The following MAPKAPK5 variants were observed in gnomAD, a reference collection of about 807,000 sequenced individuals.
MAPKAPK5 encodes MAP kinase-activated protein kinase 5.
A neutral mutation model predicts 65.1 loss-of-function variants in MAPKAPK5; 30 were observed. The ratio of observed to expected loss-of-function variants is 0.46; its 90% CI spans 0.34 to 0.63. The LOEUF (loss-of-function observed/expected upper bound fraction) is 0.63. Among genes scored for constraint, MAPKAPK5 ranks in the 20% least tolerant of loss-of-function variants. The pLI is 0.01. For missense variants in MAPKAPK5, 433 were observed against 581.4 expected (o/e 0.74, Z 2.63); for synonymous variants, 179 against 204.6 (o/e 0.87, Z 1.07).
intron 1 of MAPKAPK5, chr12:111,843,359 A>G (rs553742934): frequency 2.5e-6 from 1 of 398,470 alleles, no homozygotes; most frequent in South Asian, 1.3e-4. Context: ...ACTTAACTGC[A>G]CTTAAACCAA....
At chr12:111,849,559 G>T (rs1385685384) in intron 1 of MAPKAPK5, among the ~76,000 whole-genome samples, 1 of 152,162 alleles carries the variant, frequency 6.6e-6, no homozygotes, top group Non-Finnish European at 1.5e-5. Context: ...ACCGCACCTG[G>T]CCTAGAGTTC....
chr12:111,896,673 A>C lies in MAPKAPK5; in HGVS notation c.*3612A>C, dbSNP rs1425470115. 6.6e-6 allele frequency: 1 copy of C among 152,218 alleles called. No individual in the cohort carries two copies. The highest frequency in any genetic ancestry group is 2.4e-5 in the African/African-American group (1 of 41,454). 9.4% of individuals were successfully genotyped at this position (152,218 alleles called of 1,614,324 possible). A position where few individuals can be genotyped will look rare whatever the true frequency, so the allele number is the denominator to read the frequency against. Reference sequence around the variant, plus strand: ...AGGTTATGCTCTCCTGTTTGCCTACATGATTTATTAACCTTCTGCTTACTA... The same window carrying C: ...AGGTTATGCTCTCCTGTTTGCCTACCTGATTTATTAACCTTCTGCTTACTA... On this transcript the variant is annotated 3_prime_UTR_variant, in exon 14 of 14. Coordinates refer to ENST00000550735, the MANE Select transcript of MAPKAPK5 (RefSeq NM_003668.4).
chr12:111,880,633 A>G, intron 8 of MAPKAPK5, 106 bp downstream of exon 8: 1 of 922,252 alleles, frequency 1.1e-6, no homozygotes. Context: ...TCACCCCTTA[A>G]TATTCCTGCC....
rs919039555 is a variant in MAPKAPK5, at chr12:111,900,479, C to T, written c.*7418C>T. On this transcript the variant is annotated 3_prime_UTR_variant, in exon 14 of 14. Coordinates refer to ENST00000550735, the MANE Select transcript of MAPKAPK5 (RefSeq NM_003668.4). ...AAGAAAGTGGCTTCAGCAGCTGCAG[C>T]TCTGACTACTTCTACCAGTTCCTTC... is the stretch of plus-strand genomic sequence containing the variant. The T allele has an allele frequency of 1.1e-5, 5 of 455,990 alleles. No homozygotes were observed. The highest frequency in any genetic ancestry group is 1.0e-4 in the African/African-American group (5 of 50,084). 28.2% of individuals were successfully genotyped at this position (455,990 alleles called of 1,614,324 possible).
At chr12:111,845,347 G>A (rs2136057498) in intron 1 of MAPKAPK5, among the ~76,000 whole-genome samples, 1 of 152,110 alleles carries the variant, frequency 6.6e-6, no homozygotes, top group East Asian at 1.9e-4. Context: ...GAAAAGATGG[G>A]GTTTCACCAT....
At chr12:111,884,528 G>C (rs907648788) in intron 9 of MAPKAPK5, among the ~76,000 whole-genome samples, 5 of 152,218 alleles carry the variant, frequency 3.3e-5, no homozygotes, top group African/African-American at 1.2e-4. Context: ...CATATCTTAA[G>C]ATGGGAAGAT....
At chr12:111,880,331 T>G in intron 7 of MAPKAPK5, 116 bp from the exon 8 acceptor site, 1 of 824,884 alleles carries the variant, frequency 1.2e-6, no homozygotes, top group Admixed American at 2.2e-5. Flanking sequence ...GAGTTTTTTT[T>G]CGATGGCTGA....
chr12:111,854,434 G>C (rs2069175865), intron 1 of MAPKAPK5, among the ~76,000 whole-genome samples: 2 of 152,034 alleles, frequency 1.3e-5, no homozygotes, highest in African/African-American at 2.4e-5. Flanking sequence ...TGGAGATGGG[G>C]TTTCACCATG....
At chr12:111,844,486 C>T (rs538589977) in intron 1 of MAPKAPK5, among the ~76,000 whole-genome samples, 2 of 152,306 alleles carry the variant, frequency 1.3e-5, no homozygotes, top group Non-Finnish European at 2.9e-5. Flanking sequence ...CCACCGCGCC[C>T]AGCCTTGGTT....
chr12:111,888,868 C>T lies in MAPKAPK5; in HGVS notation c.1101-17C>T, dbSNP rs1346617776. On this transcript the variant is annotated splice_polypyrimidine_tract_variant and intron_variant, in intron 11 of 13. Transcript: ENST00000550735. ...GGGGTCTCACGTTGTCATTACCCCT[C>T]CCTCAAACTCTTAAAGCACCAAGCC... 1.2e-6 allele frequency: 2 copies of T among 1,612,296 alleles called. No homozygotes were observed. The highest frequency in any genetic ancestry group is 8.5e-7 in the Non-Finnish European group (1 of 1,178,696).
At chr12:111,871,249 C>A in intron 7 of MAPKAPK5, 69 bp downstream of exon 7, 1 of 1,291,186 alleles carries the variant, frequency 7.7e-7, no homozygotes, top group Non-Finnish European at 1.1e-6. Context: ...TCCTTCTATT[C>A]TACAGCACAA....
In MAPKAPK5 at chr12:111,895,150, G is replaced by GC. The variant is rs1324204218; in HGVS notation, c.*2090dup. The GC allele has an allele frequency of 3.6e-5, 5 of 139,612 alleles. No homozygotes were observed. Among genetic ancestry groups the GC allele is most frequent in the Non-Finnish European group, 6.0e-5 (4 of 66,578 alleles). 8.6% of individuals were successfully genotyped at this position (139,612 alleles called of 1,614,324 possible). A position where few individuals can be genotyped will look rare whatever the true frequency, so the allele number is the denominator to read the frequency against. ...CTTGCTCTGTCGCCCAGGCTGGAGT[G>GC]CAGTGGCGCGATCTTGGCTCACTGC... is the stretch of plus-strand genomic sequence containing the variant. On this transcript the variant is annotated 3_prime_UTR_variant, in exon 14 of 14. Transcript: ENST00000550735.
chr12:111,865,646 G>T (rs1289335722), intron 2 of MAPKAPK5, among the ~76,000 whole-genome samples: 1 of 151,768 alleles, frequency 6.6e-6, no homozygotes, highest in African/African-American at 2.4e-5. Context: ...GACCATCCTG[G>T]CCAACATGGT....
intron 4 of MAPKAPK5, among the ~76,000 whole-genome samples, chr12:111,868,549 T>G (rs2069680677): frequency 6.6e-6 from 1 of 152,130 alleles, no homozygotes; most frequent in Non-Finnish European, 1.5e-5. Flanking sequence ...TATGAAAGAA[T>G]GGTAGCCAAA....
At chr12:111,875,201 C>T (rs2069922545) in intron 7 of MAPKAPK5, among the ~76,000 whole-genome samples, 1 of 151,268 alleles carries the variant, frequency 6.6e-6, no homozygotes, top group Non-Finnish European at 1.5e-5. Flanking sequence ...TTTTTGAGAG[C>T]CTAAAAGTGG....
intron 8 of MAPKAPK5, among the ~76,000 whole-genome samples, chr12:111,882,562 C>A (rs1474435738): frequency 6.6e-6 from 1 of 152,180 alleles, no homozygotes; most frequent in Non-Finnish European, 1.5e-5. Context: ...GAAGCCTCTG[C>A]AAACCCAGTT....
chr12:111,875,871 G>A (rs141444475), intron 7 of MAPKAPK5, among the ~76,000 whole-genome samples: 227 of 152,104 alleles, frequency 1.5e-3, no homozygotes, highest in African/African-American at 5.3e-3. Context: ...AAAGATTTCC[G>A]AATAATTGGT....
At chr12:111,873,961 A>G (rs2069868358) in intron 7 of MAPKAPK5, among the ~76,000 whole-genome samples, 1 of 152,236 alleles carries the variant, frequency 6.6e-6, no homozygotes, top group Non-Finnish European at 1.5e-5. Context: ...CAATCGATGA[A>G]CAAGGTATAT....
At chr12:111,859,426 C>T (rs923765267) in intron 1 of MAPKAPK5, among the ~76,000 whole-genome samples, 1 of 151,474 alleles carries the variant, frequency 6.6e-6, no homozygotes, top group African/African-American at 2.4e-5. Context: ...TTACAGGCAC[C>T]CGCCACCACG....
Sources: allele counts gnomAD v4.1 joint callset (sites outside exome capture counted in the v4.1 genomes callset), GRCh38; gene constraint gnomAD v4.1.1; transcripts MANE v1.5; gene names NCBI Gene and HGNC (gene_info 2026-07-23, HGNC 2026-07-21).